The following PTPRG variants were observed in gnomAD, a reference collection of about 807,000 sequenced individuals.
PTPRG encodes the protein protein tyrosine phosphatase receptor type G.
A neutral mutation model predicts 165.3 loss-of-function variants in PTPRG; 102 were observed. The observed-to-expected ratio is 0.62, with a 90% CI of 0.53 to 0.73. The LOEUF is 0.73. Ranked by LOEUF, PTPRG falls within the 30% of genes least tolerant of loss-of-function variation. The pLI, the probability that PTPRG is intolerant of heterozygous loss-of-function variation, is 0.00. For synonymous variants in PTPRG, 675 were observed against 669.5 expected (o/e 1.01, Z -0.13); for missense variants, 1,866 against 1,861.4 (o/e 1.00, Z -0.05).
chr3:61,986,158 G>A (rs1024623131), intron 2 of PTPRG, among the ~76,000 whole-genome samples: 10 of 148,806 alleles, frequency 6.7e-5, no homozygotes, highest in African/African-American at 2.6e-4. Context: ...ATTAAAGAGT[G>A]GAACTCTGCC....
In PTPRG at chr3:61,703,553, C is replaced by G. The variant is rs187247478; in HGVS notation, c.86-45325C>G. 9.4e-4 allele frequency among the ~76,000 whole-genome samples: 143 copies of G among 152,268 alleles called. 1 individual carries two copies. The highest frequency in any genetic ancestry group is 3.6e-3 in the Admixed American group (55 of 15,292). ...GGAGTTGATGCTGTATCTTTTCATG[C>G]TCCCTTGGTGCTAACTGGCTGTATG... On this transcript the variant is annotated intron_variant, in intron 1 of 29. Coordinates refer to ENST00000474889, the MANE Select transcript of PTPRG (RefSeq NM_002841.4).
At chr3:61,844,515 T>A (rs2036747963) in intron 2 of PTPRG, among the ~76,000 whole-genome samples, 1 of 152,172 alleles carries the variant, frequency 6.6e-6, no homozygotes, top group Admixed American at 6.6e-5. Flanking sequence ...TTGTTGTTAC[T>A]GTGTTTTTAA....
chr3:61,653,696 T>C (rs1702424600), intron 1 of PTPRG, among the ~76,000 whole-genome samples: 1 of 152,178 alleles, frequency 6.6e-6, no homozygotes, highest in South Asian at 2.1e-4. Flanking sequence ...TGTTGTCCCC[T>C]GCCCTTTCAA....
intron 2 of PTPRG, among the ~76,000 whole-genome samples, chr3:61,941,148 A>G (rs76178929): frequency 0.12 from 18,074 of 151,572 alleles, 1,160 homozygotes; most frequent in South Asian, 0.17. Flanking sequence ...ATCCAAGGTG[A>G]TAATCATTCA....
intron 12 of PTPRG, among the ~76,000 whole-genome samples, chr3:62,207,488 T>G (rs1350264065): frequency 6.6e-6 from 1 of 152,262 alleles, no homozygotes; most frequent in Non-Finnish European, 1.5e-5. Context: ...TATTTTTTAA[T>G]GAAATCGCCA....
intron 2 of PTPRG, among the ~76,000 whole-genome samples, chr3:61,912,143 C>A (rs545201765): frequency 6.6e-6 from 1 of 151,942 alleles, no homozygotes; most frequent in Non-Finnish European, 1.5e-5. Context: ...ATAGGATTTC[C>A]TTCTAAGAGT....
At chr3:61,820,946 T>TC (rs911394048) in intron 2 of PTPRG, among the ~76,000 whole-genome samples, 2 of 152,160 alleles carry the variant, frequency 1.3e-5, no homozygotes, top group African/African-American at 4.8e-5. Flanking sequence ...GGATTTTTTT[T>TC]CATTACGCCA....
chr3:62,027,946 G>A (rs1276398625), intron 4 of PTPRG, among the ~76,000 whole-genome samples: 1 of 152,096 alleles, frequency 6.6e-6, no homozygotes, highest in African/African-American at 2.4e-5. Flanking sequence ...CAACTGCTCC[G>A]GGCAAGTGTT....
intron 2 of PTPRG, among the ~76,000 whole-genome samples, chr3:61,957,369 T>C (rs2040055659): frequency 6.6e-6 from 1 of 152,240 alleles, no homozygotes; most frequent in Non-Finnish European, 1.5e-5. Context: ...TTAGTAAAAA[T>C]TATTCATGGT....
chr3:62,292,199 G>A (rs1053810242), intron 28 of PTPRG, among the ~76,000 whole-genome samples: 10 of 151,906 alleles, frequency 6.6e-5, no homozygotes, highest in South Asian at 4.1e-4. Flanking sequence ...CAAGCTAAAC[G>A]TCTCATGAAC....
At chr3:61,575,501 A>T (rs1218184306) in intron 1 of PTPRG, among the ~76,000 whole-genome samples, 3 of 152,116 alleles carry the variant, frequency 2.0e-5, no homozygotes, top group Admixed American at 1.3e-4. Context: ...TCTTACCTTT[A>T]AAATGGGGAT....
At chr3:62,180,729 T>C (rs1374712896) in intron 8 of PTPRG, among the ~76,000 whole-genome samples, 1 of 152,134 alleles carries the variant, frequency 6.6e-6, no homozygotes, top group Non-Finnish European at 1.5e-5. Context: ...AGCTGAACAA[T>C]GCTCTTTCCT....
At chr3:62,124,904 T>C (rs1703230624) in intron 5 of PTPRG, among the ~76,000 whole-genome samples, 1 of 152,122 alleles carries the variant, frequency 6.6e-6, no homozygotes, top group Non-Finnish European at 1.5e-5. Context: ...TGAATAAAAC[T>C]AAGCCACTAG....
intron 2 of PTPRG, among the ~76,000 whole-genome samples, chr3:61,902,768 ATCTT>A (rs1361720411): frequency 6.6e-6 from 1 of 151,958 alleles, no homozygotes; most frequent in Admixed American, 6.6e-5. Context: ...TACCTGGTAA[ATCTT>A]TATTGAGCAT....
intron 1 of PTPRG, among the ~76,000 whole-genome samples, chr3:61,677,850 C>T (rs1703287747): frequency 6.6e-6 from 1 of 152,038 alleles, no homozygotes; most frequent in South Asian, 2.1e-4. Flanking sequence ...ATAAAGAGTC[C>T]TTAGGAGTGT....
rs115223557 is a variant in PTPRG at position 62,150,235 on chromosome 3, G to A, written c.683-6832G>A. 3.6e-3 allele frequency among the ~76,000 whole-genome samples: 552 copies of A among 152,340 alleles called. 3 individuals carry two copies. Among genetic ancestry groups the A allele is most frequent in the African/African-American group, 0.013 (530 of 41,568 alleles). On this transcript the variant is annotated intron_variant, in intron 6 of 29. Coordinates refer to ENST00000474889, the MANE Select transcript of PTPRG (RefSeq NM_002841.4). ...AGAAATGTTCTGGACAGAGTGAAGA[G>A]CCAGTGCAAAGGCCCTGGGGGCAGT...
At chr3:61,689,222 A>G (rs1449402442) in intron 1 of PTPRG, among the ~76,000 whole-genome samples, 2 of 152,236 alleles carry the variant, frequency 1.3e-5, no homozygotes, top group Non-Finnish European at 2.9e-5. Context: ...TGATTTGGCT[A>G]TTGGAATTAC....
At chr3:62,277,709 T>C (rs1702276429) in intron 26 of PTPRG, 30 bp downstream of exon 26, 1 of 1,609,082 alleles carries the variant, frequency 6.2e-7, no homozygotes, top group African/African-American at 1.3e-5. Context: ...TATATATTAA[T>C]GAGCCCATGA....
chr3:61,957,906 A>T (rs930272319), intron 2 of PTPRG, among the ~76,000 whole-genome samples: 1 of 152,154 alleles, frequency 6.6e-6, no homozygotes, highest in Admixed American at 6.5e-5. Flanking sequence ...CTGAAAGCAG[A>T]TGTCTGTATC....
Sources: gnomAD v4.1 joint callset for allele counts (sites outside exome capture counted in the v4.1 genomes callset) on GRCh38, gnomAD v4.1.1 for gene constraint, MANE v1.5 for transcripts, NCBI Gene and HGNC (gene_info 2026-07-23, HGNC 2026-07-21) for gene names.